The following IFT88 variants were observed in gnomAD, a reference collection of about 807,000 sequenced individuals.
IFT88 encodes intraflagellar transport 88.
In IFT88, 74 loss-of-function variants were observed where a neutral mutation model predicts 119.5. The observed-to-expected ratio is 0.62, with a 90% confidence interval of 0.51 to 0.75. The LOEUF (loss-of-function observed/expected upper bound fraction) is 0.75, where lower values mean the gene tolerates loss of function less well. IFT88 is among the 30% of genes least tolerant of loss of function. The pLI is 0.00. For synonymous variants in IFT88, 279 were observed against 316.7 expected (o/e 0.88, Z 1.26); for missense variants, 961 against 977.7 (o/e 0.98, Z 0.23).
chr13:20,641,623 T>C (rs1040730642), intron 18 of IFT88: 2 of 354,444 alleles, frequency 5.6e-6, no homozygotes, highest in African/African-American at 4.2e-5. Context: ...AACTATTATT[T>C]ATTAAATTTT....
chr13:20,673,495 G>A (rs2056215215), intron 24 of IFT88, among the ~76,000 whole-genome samples: 1 of 152,290 alleles, frequency 6.6e-6, no homozygotes, highest in Non-Finnish European at 1.5e-5. Flanking sequence ...TCAGGCCACC[G>A]CAGGTTCAGA....
chr13:20,582,655 A>G (rs571661118), intron 2 of IFT88, among the ~76,000 whole-genome samples: 1 of 152,294 alleles, frequency 6.6e-6, no homozygotes, highest in South Asian at 2.1e-4. Context: ...AACAGAAGAA[A>G]GGCCACATCC....
At chr13:20,648,961 C>T (rs997424521) in intron 20 of IFT88, among the ~76,000 whole-genome samples, 2 of 152,030 alleles carry the variant, frequency 1.3e-5, no homozygotes, top group South Asian at 4.1e-4. Context: ...GTAAAAGGTT[C>T]GTTACTGCAA....
chr13:20,596,897 G>C, intron 8 of IFT88, 118 bp from the exon 9 acceptor site: 1 of 589,736 alleles, frequency 1.7e-6, no homozygotes, highest in East Asian at 3.0e-5. Flanking sequence ...ACACAGGGGT[G>C]TCTTGAGGAA....
At position 20,586,510 on chromosome 13, in the gene IFT88, C is replaced by T. The variant is rs76279545; in HGVS notation, c.154-3301C>T. The stretch of plus-strand genomic sequence containing the variant: ...AAGATAAATTAAGAGTTGATTATTA[C>T]GGGATATGTAGAATTGAGATTGACC... On this transcript the variant is annotated intron_variant, in intron 3 of 25. Coordinates refer to ENST00000351808, the MANE Select transcript of IFT88 (RefSeq NM_006531.5). Among the ~76,000 whole-genome samples the T allele has an allele frequency of 6.5e-3, 960 of 148,266 alleles. 8 individuals are homozygous for T. The highest frequency in any genetic ancestry group is 0.02 in the African/African-American group (824 of 40,306).
chr13:20,625,971 TTATTTC>T, intron 15 of IFT88, 122 bp downstream of exon 15: 2 of 435,400 alleles, frequency 4.6e-6, no homozygotes, highest in Non-Finnish European at 7.9e-6. Context: ...AATAATATTT[TTATTTC>T]TATTTTATGT....
chr13:20,567,963 G>C (rs1466843698), intron 1 of IFT88: 1 of 709,288 alleles, frequency 1.4e-6, no homozygotes, highest in Non-Finnish European at 2.6e-6. Context: ...AAGAAGAATT[G>C]TCTTGGGCCA....
Position 20,691,184 on chromosome 13 carries a change from T to C in IFT88, c.*9T>C. ...ATTTGCTTCCAGAATAATATTCACT[T>C]TAATATTTATTAAAGGAAAGAAATT... On this transcript the variant is annotated 3_prime_UTR_variant, in exon 26 of 26. Transcript: ENST00000351808. The C allele has an allele frequency of 6.2e-7, 1 of 1,605,056 alleles. No individual in the cohort carries two copies. The highest frequency in any genetic ancestry group is 8.5e-7 in the Non-Finnish European group (1 of 1,174,090).
chr13:20,599,086 A>G (rs2042197576), intron 10 of IFT88, among the ~76,000 whole-genome samples: 1 of 152,030 alleles, frequency 6.6e-6, no homozygotes, highest in African/African-American at 2.4e-5. Flanking sequence ...ATTTTTTGGT[A>G]GCAGTATTAA....
In IFT88 at chr13:20,644,862, G is replaced by A; in HGVS notation, c.1853G>A (p.Cys618Tyr). 7 of 1,567,932 alleles carry A rather than the reference G, an allele frequency of 4.5e-6. No homozygotes were observed. Among genetic ancestry groups the A allele is most frequent in the Non-Finnish European group, 6.1e-6 (7 of 1,143,940 alleles). Residue 618 changes from cysteine (C) to tyrosine (Y), a missense_variant, in exon 20 of 26, where the codon TGT (cysteine) becomes TAT (tyrosine). By Grantham distance (194) the Cys-to-Tyr change is radical (BLOSUM62 -2). Transcript: ENST00000351808. ...TTACAGTCATATAGGTATTTTCCTT[G>A]TAATATTGAAGTCATTGAGTGGCTT... ...YYYESYRYFP[C>Y]NIEVIEWLGA...
At chr13:20,673,389 C>A (rs954913455) in intron 24 of IFT88, among the ~76,000 whole-genome samples, 3 of 152,270 alleles carry the variant, frequency 2.0e-5, no homozygotes, top group Admixed American at 2.0e-4. Flanking sequence ...GGTGCTTCCC[C>A]AGAGCCCAGG....
At chr13:20,626,058 T>C (rs1212995740) in intron 15 of IFT88, among the ~76,000 whole-genome samples, 4 of 94,216 alleles carry the variant, frequency 4.2e-5, no homozygotes, top group African/African-American at 1.4e-4. Context: ...TTTTTTTTTT[T>C]TTTTTTTTTT....
chr13:20,634,655 A>C (rs1396818185), intron 16 of IFT88, among the ~76,000 whole-genome samples: 2 of 151,632 alleles, frequency 1.3e-5, no homozygotes, highest in African/African-American at 2.4e-5. Flanking sequence ...TGAACTTGGG[A>C]GGGCAGAGGT....
At chr13:20,611,759 C>A (rs2044582978) in intron 13 of IFT88, among the ~76,000 whole-genome samples, 1 of 151,998 alleles carries the variant, frequency 6.6e-6, no homozygotes, top group Admixed American at 6.6e-5. Context: ...CGCCTGCCAC[C>A]ATGCCCGGCT....
chr13:20,689,439 G>T (rs1490055757), intron 24 of IFT88, among the ~76,000 whole-genome samples: 2 of 152,202 alleles, frequency 1.3e-5, no homozygotes, highest in Admixed American at 6.5e-5. Context: ...ATTCCTCAGT[G>T]AGCAGTTCTG....
chr13:20,591,042 T>C, intron 5 of IFT88, 22 bp downstream of exon 5: 1 of 1,570,586 alleles, frequency 6.4e-7, no homozygotes, highest in Admixed American at 1.8e-5. Context: ...GGATGCATGT[T>C]CATTTTGTGC....
chr13:20,665,038 C>T (rs1291760211), intron 23 of IFT88, among the ~76,000 whole-genome samples: 1 of 150,240 alleles, frequency 6.7e-6, no homozygotes, highest in East Asian at 2.0e-4. Flanking sequence ...GAGATCCTGC[C>T]ACTGCACTCC....
intron 3 of IFT88, 46 bp downstream of exon 3, chr13:20,583,065 C>T: frequency 8.5e-7 from 1 of 1,175,014 alleles, no homozygotes; most frequent in Non-Finnish European, 1.3e-6. Context: ...AAATACATAA[C>T]ATGAAATTTA....
intron 3 of IFT88, among the ~76,000 whole-genome samples, chr13:20,584,998 C>T (rs559228439): frequency 6.6e-6 from 1 of 152,354 alleles, no homozygotes; most frequent in South Asian, 2.1e-4. Context: ...CCAGCCGAAA[C>T]TCCTTTGCTT....
Sources: gnomAD v4.1 joint callset for allele counts (sites outside exome capture counted in the v4.1 genomes callset) on GRCh38, gnomAD v4.1.1 for gene constraint, MANE v1.5 for transcripts, NCBI Gene and HGNC (gene_info 2026-07-23, HGNC 2026-07-21) for gene names.